Variants in DNAH6 observed in about 807,000 individuals in gnomAD.
DNAH6 encodes dynein axonemal heavy chain 6.
In DNAH6, 340 loss-of-function variants were observed where a neutral mutation model predicts 491.4. The ratio of observed to expected loss-of-function variants is 0.69; its 90% CI spans 0.63 to 0.76. DNAH6 has a LOEUF of 0.76. Among genes scored for constraint, DNAH6 ranks in the 30% least tolerant of loss-of-function variants. The pLI is 0.00. For missense variants in DNAH6, 4,443 were observed against 4,972.2 expected, an observed-to-expected ratio of 0.89 and a Z score of 3.20; for synonymous variants, 1,603 against 1,686.1, an observed-to-expected ratio of 0.95 and a Z score of 1.21.
chr2:84,712,058 C>A (rs570904330), intron 56 of DNAH6, among the ~76,000 whole-genome samples: 3 of 152,336 alleles, frequency 2.0e-5, no homozygotes, highest in Admixed American at 6.5e-5. Flanking sequence ...GAACAGGACA[C>A]TCTGACCAGT....
chr2:84,760,814 C>T (rs1674505368), intron 63 of DNAH6, among the ~76,000 whole-genome samples: 1 of 152,112 alleles, frequency 6.6e-6, no homozygotes, highest in Admixed American at 6.6e-5. Context: ...GGCACAATCA[C>T]AGCTCACTGC....
chr2:84,682,107 C>T (rs1470309177), intron 42 of DNAH6, among the ~76,000 whole-genome samples: 1 of 152,214 alleles, frequency 6.6e-6, no homozygotes, highest in Non-Finnish European at 1.5e-5. Flanking sequence ...CTCCCTGTCT[C>T]ACTTACTCCC....
At chr2:84,683,758 A>G (rs891473478) in intron 42 of DNAH6, among the ~76,000 whole-genome samples, 1 of 151,970 alleles carries the variant, frequency 6.6e-6, no homozygotes, top group Admixed American at 6.6e-5. Flanking sequence ...TCTAACTAAC[A>G]TGTATAAGTT....
intron 59 of DNAH6, among the ~76,000 whole-genome samples, chr2:84,720,214 G>T (rs1256461521): frequency 1.3e-5 from 2 of 151,322 alleles, no homozygotes; most frequent in African/African-American, 2.4e-5. Context: ...GACCTAGGGG[G>T]TCCTCTTACA....
chr2:84,566,898 A>T (rs1681255820), intron 11 of DNAH6, among the ~76,000 whole-genome samples: 1 of 152,186 alleles, frequency 6.6e-6, no homozygotes, highest in Admixed American at 6.5e-5. Flanking sequence ...TTTTTCATAA[A>T]CGTAGCTGGT....
chr2:84,573,954 G>A (rs1343675917), intron 12 of DNAH6, among the ~76,000 whole-genome samples: 1 of 152,046 alleles, frequency 6.6e-6, no homozygotes, highest in Non-Finnish European at 1.5e-5. Context: ...TCTATCTCAG[G>A]AACTTATTCT....
the DNAH6 span, among the ~76,000 whole-genome samples, chr2:84,478,961 TC>T: frequency 4.6e-5 from 7 of 151,998 alleles, no homozygotes; most frequent in Non-Finnish European, 7.4e-5. Context: ...AGTCCAGCTG[TC>T]CCCAGTTGGA....
intron 4 of DNAH6, among the ~76,000 whole-genome samples, chr2:84,541,812 G>A (rs1294873104): frequency 6.6e-6 from 1 of 152,108 alleles, no homozygotes; most frequent in Non-Finnish European, 1.5e-5. Context: ...AAAGTTTGGT[G>A]GTTCACAAAC....
intron 4 of DNAH6, among the ~76,000 whole-genome samples, chr2:84,540,567 A>G (rs1233905883): frequency 6.6e-6 from 1 of 152,152 alleles, no homozygotes; most frequent in Non-Finnish European, 1.5e-5. Context: ...AAATTTTTTA[A>G]ACCCCAGAGG....
intron 61 of DNAH6, 62 bp downstream of exon 61, chr2:84,727,964 A>C: frequency 7.6e-6 from 8 of 1,053,974 alleles, no homozygotes; most frequent in South Asian, 1.4e-5. Context: ...CCCAAATCTC[A>C]TTTTGAATTG....
At chr2:84,478,713 A>C in the DNAH6 span, among the ~76,000 whole-genome samples, 1 of 152,168 alleles carries the variant, frequency 6.6e-6, no homozygotes, top group Non-Finnish European at 1.5e-5. Context: ...GGGCAGTGGG[A>C]GAGGTCCAGC....
intron 59 of DNAH6, among the ~76,000 whole-genome samples, chr2:84,719,494 T>G (rs186488815): frequency 2.9e-5 from 3 of 102,748 alleles, no homozygotes; most frequent in East Asian, 2.3e-4. Flanking sequence ...TGAGTTTTTG[T>G]TTTTTTTGTT....
chr2:84,783,748 TG>T (rs1676923043), intron 65 of DNAH6, among the ~76,000 whole-genome samples: 1 of 152,132 alleles, frequency 6.6e-6, no homozygotes. Context: ...CCATTCTAGT[TG>T]GGGGGAGACA....
At chr2:84,675,840 A>G (rs776709597) in intron 40 of DNAH6, among the ~76,000 whole-genome samples, 4 of 152,016 alleles carry the variant, frequency 2.6e-5, no homozygotes, top group Non-Finnish European at 5.9e-5. Flanking sequence ...TTGAATTTTT[A>G]GTAGGGACTG....
At chr2:84,653,251 A>C in intron 33 of DNAH6, 68 bp from the exon 34 acceptor site, 1 of 1,254,892 alleles carries the variant, frequency 8.0e-7, no homozygotes, top group Non-Finnish European at 1.1e-6. Flanking sequence ...TATTTCATTG[A>C]TTGTAACAAA....
At chr2:84,711,713 AG>A (rs1353026872) in intron 56 of DNAH6, among the ~76,000 whole-genome samples, 2 of 152,212 alleles carry the variant, frequency 1.3e-5, no homozygotes, top group African/African-American at 4.8e-5. Flanking sequence ...GGAAATCCAC[AG>A]GTTACACTAT....
intron 61 of DNAH6, among the ~76,000 whole-genome samples, chr2:84,731,749 CACA>C (rs533852166): frequency 2.8e-4 from 43 of 152,100 alleles, no homozygotes; most frequent in Non-Finnish European, 5.9e-4. Flanking sequence ...TGGACAGAGA[CACA>C]ACATTATAAG....
rs1672852155 is a variant in DNAH6 at position 84,745,213 on chromosome 2, T to C, written c.10476T>C (p.His3492=). The C allele has an allele frequency of 6.5e-7, 1 of 1,537,804 alleles. No homozygotes were observed. The highest frequency in any genetic ancestry group is 2.1e-5 in the Admixed American group (1 of 47,766). ...GGAGTGCAGGATTGAGTTCTTTCCA[T>C]AAGCTAATTCTTATTAAATGTTGTA... ...DPWSAGLSSF[H]KLILIKCCKE... is the part of the protein sequence containing the mutation. The change falls in exon 63 of 77, where the codon CAT becomes CAC. Residue 3492 remains histidine, a synonymous_variant. Transcript: ENST00000389394.
intron 16 of DNAH6, among the ~76,000 whole-genome samples, chr2:84,591,537 A>C (rs1397145324): frequency 2.0e-5 from 3 of 152,198 alleles, no homozygotes; most frequent in African/African-American, 7.2e-5. Flanking sequence ...TACTACCCAA[A>C]GTGACTTATA....
Sources: allele counts gnomAD v4.1 joint callset (sites outside exome capture counted in the v4.1 genomes callset), GRCh38; gene constraint gnomAD v4.1.1; transcripts MANE v1.5; gene names NCBI Gene and HGNC (gene_info 2026-07-23, HGNC 2026-07-21).